The following SETBP1 variants were observed in gnomAD, a reference collection of about 807,000 sequenced individuals.
SETBP1 encodes SET binding protein 1, also known as SET-binding protein.
Under a neutral mutation model 101.0 loss-of-function variants are expected in SETBP1, and 9 were observed. The ratio of observed to expected loss-of-function variants is 0.09; its 90% CI spans 0.05 to 0.16. SETBP1 has a LOEUF of 0.16. Among genes scored for constraint, SETBP1 ranks in the 10% least tolerant of loss-of-function variants. SETBP1 has a pLI of 1.00. For missense variants in SETBP1, 1,858 were observed against 2,033.8 expected (o/e 0.91, Z 1.66); for synonymous variants, 818 against 788.5 (o/e 1.04, Z -0.63).
At chr18:44,945,190 G>T (rs1381532704) in intron 3 of SETBP1, among the ~76,000 whole-genome samples, 1 of 151,934 alleles carries the variant, frequency 6.6e-6, no homozygotes, top group Non-Finnish European at 1.5e-5. Flanking sequence ...GAGTGAACAG[G>T]CAACCTACAG....
intron 4 of SETBP1, among the ~76,000 whole-genome samples, chr18:44,983,725 C>A (rs998792849): frequency 2.0e-5 from 3 of 152,150 alleles, no homozygotes; most frequent in Non-Finnish European, 4.4e-5. Context: ...GGTTAAATAA[C>A]CCCCTGCTTG....
intron 5 of SETBP1, among the ~76,000 whole-genome samples, chr18:45,052,748 T>C (rs1466501545): frequency 2.6e-5 from 4 of 152,188 alleles, no homozygotes; most frequent in African/African-American, 9.7e-5. Flanking sequence ...GTTAATTTTG[T>C]AAATTGACAT....
intron 4 of SETBP1, among the ~76,000 whole-genome samples, chr18:45,011,390 C>T (rs1450644058): frequency 1.3e-5 from 2 of 152,178 alleles, no homozygotes; most frequent in African/African-American, 4.8e-5. Context: ...TTCAGAGAGA[C>T]TAGGGCAGCC....
At chr18:44,779,523 C>G (rs547371702) in intron 2 of SETBP1, among the ~76,000 whole-genome samples, 16 of 152,082 alleles carry the variant, frequency 1.1e-4, no homozygotes, top group African/African-American at 3.6e-4. Context: ...TCTTTTATAA[C>G]AATAATGGCC....
At chr18:44,919,651 TC>T (rs900659179) in intron 3 of SETBP1, among the ~76,000 whole-genome samples, 12 of 151,714 alleles carry the variant, frequency 7.9e-5, no homozygotes, top group Non-Finnish European at 8.8e-5. Flanking sequence ...CCCGGCTAGA[TC>T]CCCCCGTCTT....
chr18:44,876,525 G>T (rs1291332015), intron 3 of SETBP1: 4 of 1,442,864 alleles, frequency 2.8e-6, no homozygotes, highest in Non-Finnish European at 3.8e-6. Flanking sequence ...GGTATTTTCA[G>T]AAGCTCTCCA....
At chr18:44,840,168 T>C (rs917372862) in intron 2 of SETBP1, among the ~76,000 whole-genome samples, 2 of 152,248 alleles carry the variant, frequency 1.3e-5, no homozygotes, top group Non-Finnish European at 2.9e-5. Flanking sequence ...ACGTTTATTG[T>C]CTCATTCCTC....
At chr18:45,006,752 A>G (rs1174026721) in intron 4 of SETBP1, among the ~76,000 whole-genome samples, 1 of 152,242 alleles carries the variant, frequency 6.6e-6, no homozygotes, top group Non-Finnish European at 1.5e-5. Context: ...ACATAAGGTC[A>G]CTTTCCGAGG....
rs567358403 is a variant in SETBP1, at chr18:44,999,668, A to T, written c.4001-38817A>T. On this transcript the variant is annotated intron_variant, in intron 4 of 5. Transcript: ENST00000649279. ...ATGCTCATAGCAAAACAGGAAAGTA[A>T]TAGATATCATGTTGTCTGCATTGCT... Among the ~76,000 whole-genome samples the T allele has an allele frequency of 1.1e-3, 172 of 152,356 alleles. 2 individuals are homozygous for T. The South Asian group carries it at 0.035, about 31-fold the overall frequency.
chr18:45,004,220 G>C (rs942262460), intron 4 of SETBP1, among the ~76,000 whole-genome samples: 42 of 152,172 alleles, frequency 2.8e-4, no homozygotes, highest in African/African-American at 9.2e-4. Context: ...TGCCTTCTTT[G>C]AGCATGACTT....
At chr18:44,904,263 G>T (rs1358854451) in intron 3 of SETBP1, among the ~76,000 whole-genome samples, 1 of 152,140 alleles carries the variant, frequency 6.6e-6, no homozygotes, top group Non-Finnish European at 1.5e-5. Context: ...TTATGCATAA[G>T]ATTTCTAGTT....
chr18:44,893,618 T>C (rs759932122), intron 3 of SETBP1, among the ~76,000 whole-genome samples: 1 of 152,146 alleles, frequency 6.6e-6, no homozygotes, highest in South Asian at 2.1e-4. Flanking sequence ...TTTTGAACTT[T>C]ATATAAGCTG....
chr18:45,017,628 C>T (rs1165907570), intron 4 of SETBP1, among the ~76,000 whole-genome samples: 3 of 152,236 alleles, frequency 2.0e-5, no homozygotes, highest in Non-Finnish European at 4.4e-5. Flanking sequence ...AGTGCTGCCT[C>T]GTTACTAATG....
chr18:44,931,859 A>G (rs1330104324), intron 3 of SETBP1, among the ~76,000 whole-genome samples: 1 of 152,190 alleles, frequency 6.6e-6, no homozygotes, highest in African/African-American at 2.4e-5. Context: ...GGTCTCCTGA[A>G]TATAGCACAC....
Position 45,063,948 on chromosome 18 carries a change from C to A in SETBP1, c.*250C>A. 1 of 429,944 alleles carries A rather than the reference C, an allele frequency of 2.3e-6. No individual in the cohort carries two copies. Among genetic ancestry groups the A allele is most frequent in the Non-Finnish European group, 4.3e-6 (1 of 234,886 alleles). The allele number at this position is 429,944 out of a possible 1,614,324, so 26.6% of individuals were successfully genotyped here. ...GCTCCCACCACGCGGCGCTTCAGTA[C>A]GGCTGGATCCTCCGCAGGCGAGCGG... On this transcript the variant is annotated 3_prime_UTR_variant, in exon 6 of 6. Coordinates refer to ENST00000649279, the MANE Select transcript of SETBP1 (RefSeq NM_015559.3).
intron 2 of SETBP1, among the ~76,000 whole-genome samples, chr18:44,770,578 CTGTTTT>C (rs954479657): frequency 3.9e-4 from 59 of 152,276 alleles, no homozygotes; most frequent in African/African-American, 1.4e-3. Flanking sequence ...ATATCTCACC[CTGTTTT>C]TGTTTTTGTT....
chr18:44,732,229 T>C (rs2069852855), intron 2 of SETBP1, among the ~76,000 whole-genome samples: 2 of 152,234 alleles, frequency 1.3e-5, no homozygotes, highest in Non-Finnish European at 2.9e-5. Flanking sequence ...GGTTGAACTT[T>C]GTGACTAAAT....
At chr18:45,025,351 CTG>C (rs1430435971) in intron 4 of SETBP1, among the ~76,000 whole-genome samples, 1 of 152,206 alleles carries the variant, frequency 6.6e-6, no homozygotes, top group East Asian at 1.9e-4. Flanking sequence ...AATAAGCACT[CTG>C]TGTTTATTAG....
chr18:44,807,715 A>G (rs2071777858), intron 2 of SETBP1, among the ~76,000 whole-genome samples: 1 of 152,154 alleles, frequency 6.6e-6, no homozygotes, highest in South Asian at 2.1e-4. Context: ...AAAGATTTAT[A>G]TTGCTAATTT....
Sources: allele counts gnomAD v4.1 joint callset (sites outside exome capture counted in the v4.1 genomes callset), GRCh38; gene constraint gnomAD v4.1.1; transcripts MANE v1.5; gene names NCBI Gene and HGNC (gene_info 2026-07-23, HGNC 2026-07-21).